FAM24B: variants seen among roughly 807,000 people sequenced by gnomAD.
The protein encoded by FAM24B is family with sequence similarity 24 member B, also known as protein FAM24B.
In FAM24B, 3 loss-of-function variants were observed where a neutral mutation model predicts 2.3. That is an observed-to-expected ratio of 1.29 (90% CI 0.59 to 3.32). FAM24B has a LOEUF of 3.32. Ranked by LOEUF, FAM24B falls within the 30% of genes most tolerant of loss-of-function variation. The pLI is 0.03. For missense variants in FAM24B, 98 were observed against 117.2 expected (o/e 0.84, Z 0.76); for synonymous variants, 36 against 46.3 (o/e 0.78, Z 0.90).
intron 2 of FAM24B, among the ~76,000 whole-genome samples, chr10:122,854,335 G>A (rs937540876): frequency 3.3e-5 from 5 of 152,232 alleles, no homozygotes; most frequent in African/African-American, 1.2e-4. Flanking sequence ...AAAGCTCAGA[G>A]AGTGGAAGTG....
chr10:122,861,092 T>C (rs1847719809), intron 1 of FAM24B, among the ~76,000 whole-genome samples: 1 of 152,322 alleles, frequency 6.6e-6, no homozygotes, highest in East Asian at 1.9e-4. Flanking sequence ...ATATCTAAAA[T>C]GTCATTGCCA....
intron 1 of FAM24B, among the ~76,000 whole-genome samples, chr10:122,869,530 G>A (rs1250637689): frequency 4.6e-5 from 7 of 152,222 alleles, no homozygotes; most frequent in Admixed American, 4.6e-4. Context: ...CCACATACTT[G>A]GAAGTAAAGC....
At chr10:122,856,483 C>T (rs142288287) in intron 1 of FAM24B, among the ~76,000 whole-genome samples, 270 of 152,284 alleles carry the variant, frequency 1.8e-3, no homozygotes, top group African/African-American at 5.8e-3. Flanking sequence ...GGGGAGTCAG[C>T]GGTGCCTGCC....
At chr10:122,870,243 T>C (rs568856150) in intron 1 of FAM24B, among the ~76,000 whole-genome samples, 4 of 152,232 alleles carry the variant, frequency 2.6e-5, no homozygotes, top group East Asian at 1.9e-4. Context: ...CAGAAAGAAG[T>C]TGAATCTCTG....
intron 1 of FAM24B, among the ~76,000 whole-genome samples, 165 bp from the exon 2 acceptor site, chr10:122,855,951 A>T (rs1021013458): frequency 6.6e-6 from 1 of 152,254 alleles, no homozygotes; most frequent in Non-Finnish European, 1.5e-5. Flanking sequence ...TAAAGTGACA[A>T]CAAGGCAGCG....
chr10:122,874,710 A>G (rs932702894), intron 1 of FAM24B, among the ~76,000 whole-genome samples: 1 of 152,152 alleles, frequency 6.6e-6, no homozygotes, highest in Non-Finnish European at 1.5e-5. Context: ...ATGCCTAGGT[A>G]CAGACTAAGC....
intron 1 of FAM24B, among the ~76,000 whole-genome samples, chr10:122,877,863 A>C (rs542564302): frequency 6.6e-6 from 1 of 152,324 alleles, no homozygotes; most frequent in South Asian, 2.1e-4. Context: ...TTATACTGTG[A>C]TAGAGTTCCC....
chr10:122,869,809 C>A (rs1293323551), intron 1 of FAM24B, among the ~76,000 whole-genome samples: 2 of 152,036 alleles, frequency 1.3e-5, no homozygotes, highest in Non-Finnish European at 2.9e-5. Flanking sequence ...ATTTATAGCA[C>A]TAAATGCCCA....
At chr10:122,860,518 A>G (rs529147131) in intron 1 of FAM24B, among the ~76,000 whole-genome samples, 105 of 152,356 alleles carry the variant, frequency 6.9e-4, no homozygotes, top group Non-Finnish European at 1.2e-3. Context: ...TTTTCAGTTC[A>G]TTTGGTAAAT....
At chr10:122,878,938 A>G (rs1181243514) in intron 1 of FAM24B, among the ~76,000 whole-genome samples, 1 of 152,262 alleles carries the variant, frequency 6.6e-6, no homozygotes, top group Middle Eastern at 3.4e-3. Context: ...AGACTGTCCA[A>G]TTATGATGAC....
intron 1 of FAM24B, among the ~76,000 whole-genome samples, chr10:122,856,628 C>T (rs1847643774): frequency 6.6e-6 from 1 of 152,138 alleles, no homozygotes; most frequent in African/African-American, 2.4e-5. Flanking sequence ...GTGCTGAGGC[C>T]TCAGTCTCAG....
intron 2 of FAM24B, 183 bp from the exon 3 acceptor site, chr10:122,850,733 GAAAT>G: frequency 2.0e-6 from 1 of 494,714 alleles, no homozygotes. Context: ...TGGAAAAAAA[GAAAT>G]AAAAAAAGTC....
Position 122,850,484 on chromosome 10 carries a change from G to C in FAM24B, c.32C>G (p.Ala11Gly). The C allele has an allele frequency of 6.2e-7, 1 of 1,614,032 alleles. No individual in the cohort carries two copies. Among genetic ancestry groups the C allele is most frequent in the Non-Finnish European group, 8.5e-7 (1 of 1,179,944 alleles). Residue 11 changes from alanine (A) to glycine (G), a missense_variant, in exon 3 of 4, where the codon GCC becomes GGC. Coordinates refer to ENST00000368898, the MANE Select transcript of FAM24B (RefSeq NM_152644.3). ...CACGACAACTATCAGCAGGAGCAAG[G>C]CCGCCAGGATACCACCAGCGATGAC... is the stretch of plus-strand genomic sequence containing the variant. Reference protein sequence around the residue: MPVIAGGILAALLLLIVVVLC... With the variant: MPVIAGGILAGLLLLIVVVLC...
In FAM24B at chr10:122,858,148, C is replaced by T. The variant is rs180769465; in HGVS notation, c.-177-2362G>A. Among the ~76,000 whole-genome samples, 129 of 152,258 alleles carry T rather than the reference C, an allele frequency of 8.5e-4. 1 individual carries two copies. Among genetic ancestry groups the T allele is most frequent in the Middle Eastern group, 3.4e-3 (1 of 294 alleles). ...ATTCACAATAGCAAAGACTTGGAACCAACCCAAATGTCCATCAATGATAGA... is the reference window on the plus strand; with the variant it reads ...ATTCACAATAGCAAAGACTTGGAACTAACCCAAATGTCCATCAATGATAGA... On this transcript the variant is annotated intron_variant, in intron 1 of 3. Coordinates refer to ENST00000368898, the MANE Select transcript of FAM24B (RefSeq NM_152644.3).
chr10:122,870,391 A>G (rs573378953), intron 1 of FAM24B, among the ~76,000 whole-genome samples: 2 of 152,204 alleles, frequency 1.3e-5, no homozygotes, highest in Non-Finnish European at 2.9e-5. Flanking sequence ...TTCTGAAACT[A>G]TTCCAATCAA....
intron 2 of FAM24B, 23 bp from the exon 3 acceptor site, chr10:122,850,573 G>A (rs1847514346): frequency 1.6e-6 from 2 of 1,270,068 alleles, no homozygotes; most frequent in Admixed American, 3.4e-5. Flanking sequence ...GTGCAAGCAA[G>A]CACTGAGCCC....
chr10:122,873,383 A>G (rs1179676083), intron 1 of FAM24B, among the ~76,000 whole-genome samples: 1 of 152,250 alleles, frequency 6.6e-6, no homozygotes, highest in African/African-American at 2.4e-5. Flanking sequence ...CCAGGATGAC[A>G]ACACATTGGT....
intron 1 of FAM24B, among the ~76,000 whole-genome samples, chr10:122,873,542 A>G (rs1847932150): frequency 6.6e-6 from 1 of 152,264 alleles, no homozygotes; most frequent in South Asian, 2.1e-4. Context: ...GTCTACCAAC[A>G]CAACATCCAT....
intron 1 of FAM24B, among the ~76,000 whole-genome samples, chr10:122,877,897 A>G (rs1056933549): frequency 2.6e-5 from 4 of 152,346 alleles, no homozygotes; most frequent in African/African-American, 4.8e-5. Context: ...TGCTATCTCT[A>G]TCAATTCCAT....
Sources: gnomAD v4.1 joint callset for allele counts (sites outside exome capture counted in the v4.1 genomes callset) on GRCh38, gnomAD v4.1.1 for gene constraint, MANE v1.5 for transcripts, NCBI Gene and HGNC (gene_info 2026-07-23, HGNC 2026-07-21) for gene names.